The following CCL16 variants were observed in gnomAD, a reference collection of about 807,000 sequenced individuals.
The protein encoded by CCL16 is C-C motif chemokine 16.
Under a neutral mutation model 7.5 loss-of-function variants are expected in CCL16, and 6 were observed. The ratio of observed to expected loss-of-function variants is 0.80; its 90% confidence interval spans 0.44 to 1.57. CCL16 has a LOEUF of 1.57. Among genes scored for constraint, CCL16 ranks in the 40% most tolerant of loss-of-function variants. CCL16 has a pLI of 0.01. For missense variants in CCL16, 134 were observed against 142.9 expected (o/e 0.94, Z 0.32); for synonymous variants, 60 against 57.7 (o/e 1.04, Z -0.18).
In CCL16 at chr17:35,977,661, C is replaced by T. The variant is rs1383472032; in HGVS notation, c.268G>A (p.Asp90Asn). 25 of 1,612,170 alleles carry T rather than the reference C, an allele frequency of 1.6e-5. No homozygotes were observed. Among genetic ancestry groups the T allele is most frequent in the Non-Finnish European group, 2.1e-5 (25 of 1,180,016 alleles). ...GTAGGCAGCAAAGGTAGGTTGGGAT[C>T]CTTGATGTACTCTTGGACCCAGTCG... ...NDDWVQEYIK[D>N]PNLPLLPTRN... Residue 90 changes from aspartate to asparagine, a missense_variant, in exon 3 of 3, where the codon GAT (aspartate) becomes AAT (asparagine). Asp to Asn is a conservative substitution (Grantham distance 23, BLOSUM62 1). Coordinates refer to ENST00000611905, the MANE Select transcript of CCL16 (RefSeq NM_004590.4).
chr17:35,978,073 C>T (rs2089652829), intron 2 of CCL16, 70 bp downstream of exon 2: 2 of 1,599,922 alleles, frequency 1.3e-6, no homozygotes, highest in African/African-American at 2.7e-5. Context: ...CCTCTTGATC[C>T]CATGTATCTC....
Position 35,976,654 on chromosome 17 carries a change from CT to C in CCL16, c.*911del, listed in dbSNP as rs34706406. The stretch of plus-strand genomic sequence containing the variant: ...TCTTCTTCTTCTTCTCTCTCTCTCT[CT>C]TTTTTTTTTTTTTCCAATCAGGCAC... On this transcript the variant is annotated 3_prime_UTR_variant, in exon 3 of 3. Coordinates refer to ENST00000611905, the MANE Select transcript of CCL16 (RefSeq NM_004590.4). The C allele has an allele frequency of 0.018, 2,289 of 126,266 alleles. 22 individuals carry two copies. The highest frequency in any genetic ancestry group is 0.03 in the African/African-American group (965 of 32,126). 7.8% of individuals were successfully genotyped at this position (126,266 alleles called of 1,614,324 possible).
Position 35,977,365 on chromosome 17 carries a change from G to A in CCL16, c.*201C>T, listed in dbSNP as rs1435364825. On this transcript the variant is annotated 3_prime_UTR_variant, in exon 3 of 3. Transcript: ENST00000611905. The stretch of plus-strand genomic sequence containing the variant: ...TAAAAATATAAATATAAAAATAAAA[G>A]AGCGTACCTCTGCCCACGTCCCTTA... 1.2e-5 allele frequency: 5 copies of A among 412,894 alleles called. No homozygotes were observed. Among genetic ancestry groups the A allele is most frequent in the African/African-American group, 4.1e-5 (2 of 48,562 alleles). 25.6% of individuals were successfully genotyped at this position (412,894 alleles called of 1,614,324 possible).
At chr17:35,981,216 G>A (rs1007382432) in intron 1 of CCL16, 129 bp downstream of exon 1, 20 of 619,474 alleles carry the variant, frequency 3.2e-5, no homozygotes, top group Admixed American at 5.3e-5. Context: ...CAGAAGCTAT[G>A]CATGAAGGTG....
chr17:35,980,992 T>A (rs568552324), intron 1 of CCL16, among the ~76,000 whole-genome samples: 56 of 152,276 alleles, frequency 3.7e-4, no homozygotes, highest in African/African-American at 1.3e-3. Context: ...ACCTGCCACT[T>A]TTCTTTCTCA....
At position 35,977,608 on chromosome 17, in the gene CCL16, A is replaced by G; in HGVS notation, c.321T>C (p.Ile107=). The G allele has an allele frequency of 1.2e-6, 2 of 1,612,624 alleles. No individual in the cohort carries two copies. The highest frequency in any genetic ancestry group is 1.7e-6 in the Non-Finnish European group (2 of 1,180,002). ...GCTGGGGTTGACCATTCTTTGCTGTAATAATTTTAACCGTGGACAAGTTCC... is the reference window on the plus strand; with the variant it reads ...GCTGGGGTTGACCATTCTTTGCTGTGATAATTTTAACCGTGGACAAGTTCC... The part of the protein sequence containing the change: ...PTRNLSTVKI[I]TAKNGQPQLL... The change falls in exon 3 of 3, where the codon ATT becomes ATC. Residue 107 remains isoleucine (I), a synonymous_variant. Transcript: ENST00000611905.
At position 35,976,571 on chromosome 17, in the gene CCL16, T is replaced by C. The variant is rs1348284790; in HGVS notation, c.*995A>G. ...AGAGTTTACCCCTAGCCGTGTCTCA[T>C]ACCCTTTCTTTCCCTGTCCTGCAAA... On this transcript the variant is annotated 3_prime_UTR_variant, in exon 3 of 3. Transcript: ENST00000611905. The C allele has an allele frequency of 6.6e-6, 1 of 152,178 alleles. No individual in the cohort carries two copies. Among genetic ancestry groups the C allele is most frequent in the African/African-American group, 2.4e-5 (1 of 41,440 alleles). 9.4% of individuals were successfully genotyped at this position (152,178 alleles called of 1,614,324 possible). A position where few individuals can be genotyped will look rare whatever the true frequency, so the allele number is the denominator to read the frequency against.
In CCL16 at chr17:35,981,325, A is replaced by C; in HGVS notation, c.76+20T>G. Reference sequence around the variant, plus strand: ...CATCCCCCTTTCTCGTTCCTGCCCTACAGAGACAAGTGGACTCACTTGGCT... The same window carrying C: ...CATCCCCCTTTCTCGTTCCTGCCCTCCAGAGACAAGTGGACTCACTTGGCT... On this transcript the variant is annotated intron_variant, in intron 1 of 2. Coordinates refer to ENST00000611905, the MANE Select transcript of CCL16 (RefSeq NM_004590.4). 4.4e-6 allele frequency: 7 copies of C among 1,587,692 alleles called. No individual in the cohort carries two copies. The highest frequency in any genetic ancestry group is 6.0e-6 in the Non-Finnish European group (7 of 1,159,138).
At chr17:35,978,027 C>A in intron 2 of CCL16, 116 bp downstream of exon 2, 1 of 1,450,772 alleles carries the variant, frequency 6.9e-7, no homozygotes. Flanking sequence ...AAAGGCCAAA[C>A]CCTTAGCCAC....
At chr17:35,981,263 G>A (rs754164622) in intron 1 of CCL16, 82 bp downstream of exon 1, 21 of 937,480 alleles carry the variant, frequency 2.2e-5, no homozygotes, top group South Asian at 1.2e-4. Flanking sequence ...CCAGAGACCC[G>A]ACAGCGCCCT....
At chr17:35,978,595 C>G (rs897167115) in intron 1 of CCL16, among the ~76,000 whole-genome samples, 6 of 152,140 alleles carry the variant, frequency 3.9e-5, no homozygotes, top group Non-Finnish European at 8.8e-5. Context: ...ATGCTGGGCT[C>G]TATGGGGGTA....
chr17:35,978,390 A>G, intron 1 of CCL16, 127 bp from the exon 2 acceptor site: 1 of 1,227,684 alleles, frequency 8.1e-7, no homozygotes, highest in Non-Finnish European at 1.2e-6. Flanking sequence ...GAGACCAATG[A>G]TAGCTTGACT....
chr17:35,977,771 G>A (rs202162865), intron 2 of CCL16, 40 bp from the exon 3 acceptor site: 22 of 1,598,124 alleles, frequency 1.4e-5, no homozygotes, highest in Admixed American at 5.2e-5. Flanking sequence ...CTGCAGACTC[G>A]GGCAGGAGTC....
In CCL16 at chr17:35,977,506, C is replaced by T. The variant is rs1178946899; in HGVS notation, c.*60G>A. 6 of 1,495,876 alleles carry T rather than the reference C, an allele frequency of 4.0e-6. No individual in the cohort carries two copies. The highest frequency in any genetic ancestry group is 5.5e-6 in the Non-Finnish European group (6 of 1,090,656). The allele number at this position is 1,495,876 out of a possible 1,614,324, so 92.7% of individuals were successfully genotyped here. A position where few individuals can be genotyped will look rare whatever the true frequency, so the allele number is the denominator to read the frequency against. ...TAGTTTCAGCCTAATAAGGCTTCCC[C>T]TGTTTTCATAGGTTTACCCCTCTCT... is the stretch of plus-strand genomic sequence containing the variant. On this transcript the variant is annotated 3_prime_UTR_variant, in exon 3 of 3. Transcript: ENST00000611905.
Position 35,981,495 on chromosome 17 carries a change from A to G in CCL16, c.-75T>C, listed in dbSNP as rs888438497. Reference sequence around the variant, plus strand: ...TCTGTTGCTGGTGGTCCGCTTGCCAACTACTCAGCTCTCTGGACCTTGACC... The same window carrying G: ...TCTGTTGCTGGTGGTCCGCTTGCCAGCTACTCAGCTCTCTGGACCTTGACC... On this transcript the variant is annotated 5_prime_UTR_variant, in exon 1 of 3. Transcript: ENST00000611905. 2.9e-6 allele frequency: 3 copies of G among 1,041,644 alleles called. No individual in the cohort carries two copies. The highest frequency in any genetic ancestry group is 2.9e-6 in the Non-Finnish European group (2 of 688,434). The allele number at this position is 1,041,644 out of a possible 1,614,324, so 64.5% of individuals were successfully genotyped here.
At chr17:35,978,669 G>C (rs1018472289) in intron 1 of CCL16, among the ~76,000 whole-genome samples, 1 of 152,228 alleles carries the variant, frequency 6.6e-6, no homozygotes, top group Non-Finnish European at 1.5e-5. Flanking sequence ...GGTTGAAAGA[G>C]AAATTGAAAA....
chr17:35,977,625 A>G lies in CCL16; in HGVS notation c.304T>C (p.Ser102Pro), dbSNP rs756352545. The G allele has an allele frequency of 6.2e-7, 1 of 1,612,540 alleles. No homozygotes were observed. Among genetic ancestry groups the G allele is most frequent in the South Asian group, 1.1e-5 (1 of 90,996 alleles). The change falls in exon 3 of 3, where the codon TCC becomes CCC. Residue 102 changes from serine to proline, a missense_variant. By Grantham distance (74) the Ser-to-Pro change is moderately conservative. Transcript: ENST00000611905. ...TTTGCTGTAATAATTTTAACCGTGG[A>G]CAAGTTCCTGGTAGGCAGCAAAGGT... is the stretch of plus-strand genomic sequence containing the variant. ...NLPLLPTRNL[S>P]TVKIITAKNG...
rs1210813271 is a variant in CCL16 at position 35,977,224 on chromosome 17, G to A, written c.*342C>T. ...TCCCAGCTACTCGGGAGGCTGGGGTGGGAGGATCACTTGAGCCTGGGAGGT... is the reference window on the plus strand; with the variant it reads ...TCCCAGCTACTCGGGAGGCTGGGGTAGGAGGATCACTTGAGCCTGGGAGGT... On this transcript the variant is annotated 3_prime_UTR_variant, in exon 3 of 3. Transcript: ENST00000611905. The A allele has an allele frequency of 6.3e-6, 1 of 158,692 alleles. No individual in the cohort carries two copies. The highest frequency in any genetic ancestry group is 6.5e-5 in the Admixed American group (1 of 15,446). The allele number at this position is 158,692 out of a possible 1,614,324, so 9.8% of individuals were successfully genotyped here.
In CCL16 at chr17:35,977,060, T is replaced by A. The variant is rs1381088334; in HGVS notation, c.*506A>T. ...GGCCGGATGTGGTGGCTCACGCCTGTAATCCCAGCACTTTTGGAAGGCTGA... is the reference window on the plus strand; with the variant it reads ...GGCCGGATGTGGTGGCTCACGCCTGAAATCCCAGCACTTTTGGAAGGCTGA... On this transcript the variant is annotated 3_prime_UTR_variant, in exon 3 of 3. Coordinates refer to ENST00000611905, the MANE Select transcript of CCL16 (RefSeq NM_004590.4). The A allele has an allele frequency of 6.5e-6, 1 of 152,696 alleles. No homozygotes were observed. Among genetic ancestry groups the A allele is most frequent in the East Asian group, 1.9e-4 (1 of 5,224 alleles). 9.5% of individuals were successfully genotyped at this position (152,696 alleles called of 1,614,324 possible). A position where few individuals can be genotyped will look rare whatever the true frequency, so the allele number is the denominator to read the frequency against.
Sources: allele counts gnomAD v4.1 joint callset (sites outside exome capture counted in the v4.1 genomes callset), GRCh38; gene constraint gnomAD v4.1.1; transcripts MANE v1.5; gene names NCBI Gene and HGNC (gene_info 2026-07-23, HGNC 2026-07-21).